Variants in UBE3B observed in about 807,000 individuals in gnomAD.
UBE3B encodes ubiquitin-protein ligase E3B.
In UBE3B, 80 loss-of-function variants were observed where a neutral mutation model predicts 132.3. The ratio of observed to expected loss-of-function variants is 0.60; its 90% confidence interval spans 0.50 to 0.73. The LOEUF (loss-of-function observed/expected upper bound fraction) is 0.73. Among genes scored for constraint, UBE3B ranks in the 30% least tolerant of loss-of-function variants. The pLI is 0.00. For synonymous variants in UBE3B, 487 were observed against 520.4 expected, an observed-to-expected ratio of 0.94 and a Z score of 0.87; for missense variants, 1,196 against 1,362.5, an observed-to-expected ratio of 0.88 and a Z score of 1.92.
chr12:109,481,416 A>G (rs1875411733), intron 1 of UBE3B, among the ~76,000 whole-genome samples: 1 of 152,214 alleles, frequency 6.6e-6, no homozygotes, highest in African/African-American at 2.4e-5. Context: ...TAATTCAACA[A>G]CAACTTTGGG....
chr12:109,533,616 T>C (rs766286662), intron 27 of UBE3B, 58 bp downstream of exon 27: 3 of 1,459,164 alleles, frequency 2.1e-6, no homozygotes, highest in Non-Finnish European at 2.9e-6. Flanking sequence ...GGTTGTCTGC[T>C]GTGCCCACTG....
intron 16 of UBE3B, 23 bp from the exon 17 acceptor site, chr12:109,510,321 T>A: frequency 1.3e-6 from 2 of 1,574,886 alleles, no homozygotes; most frequent in Admixed American, 1.8e-5. Context: ...CTCCTCTGAC[T>A]TTCCTGTTTG....
chr12:109,509,557 T>TG, intron 15 of UBE3B, 39 bp from the exon 16 acceptor site: 1 of 1,433,262 alleles, frequency 7.0e-7, no homozygotes, highest in African/African-American at 1.4e-5. Flanking sequence ...TTCGCCTTTT[T>TG]TCAGTGTGGA....
intron 9 of UBE3B, among the ~76,000 whole-genome samples, chr12:109,496,279 A>C (rs1006890005): frequency 1.6e-4 from 25 of 152,234 alleles, no homozygotes; most frequent in African/African-American, 5.5e-4. Flanking sequence ...ATATTCCATT[A>C]TATGGATATA....
chr12:109,493,697 A>G (rs1230402396), intron 9 of UBE3B, among the ~76,000 whole-genome samples: 1 of 152,250 alleles, frequency 6.6e-6, no homozygotes, highest in Non-Finnish European at 1.5e-5. Flanking sequence ...AGTCTATAAA[A>G]TCGTCAGTGG....
chr12:109,499,236 A>G (rs1259100344), intron 11 of UBE3B, among the ~76,000 whole-genome samples: 1 of 152,224 alleles, frequency 6.6e-6, no homozygotes, highest in African/African-American at 2.4e-5. Context: ...ACCATTTCTT[A>G]TGTTAACCCT....
intron 18 of UBE3B, 142 bp from the exon 19 acceptor site, chr12:109,516,623 C>A: frequency 7.5e-7 from 1 of 1,339,698 alleles, no homozygotes; most frequent in Admixed American, 2.1e-5. Context: ...TCACAGGACA[C>A]TTCTAACTGG....
At chr12:109,527,587 C>T (rs748859849) in intron 24 of UBE3B, among the ~76,000 whole-genome samples, 4 of 152,208 alleles carry the variant, frequency 2.6e-5, no homozygotes, top group East Asian at 1.9e-4. Context: ...CTGTCAGAAA[C>T]GTCAGGAGAA....
At chr12:109,525,771 G>C (rs111624771) in intron 23 of UBE3B, among the ~76,000 whole-genome samples, 1 of 152,104 alleles carries the variant, frequency 6.6e-6, no homozygotes, top group Non-Finnish European at 1.5e-5. Flanking sequence ...GCTCTAATAT[G>C]AGCAAAAGAT....
At chr12:109,512,460 G>A (rs955203549) in intron 18 of UBE3B, among the ~76,000 whole-genome samples, 1 of 152,134 alleles carries the variant, frequency 6.6e-6, no homozygotes, top group Non-Finnish European at 1.5e-5. Context: ...CATGGCTCAC[G>A]TCCCTGGTGA....
chr12:109,488,764 C>A, intron 7 of UBE3B, 96 bp downstream of exon 7: 1 of 1,182,488 alleles, frequency 8.5e-7, no homozygotes, highest in Non-Finnish European at 1.3e-6. Context: ...TTGCCACAAG[C>A]CTCAGGGAAG....
intron 13 of UBE3B, 140 bp downstream of exon 13, chr12:109,501,674 C>CA: frequency 9.4e-7 from 1 of 1,069,288 alleles, no homozygotes; most frequent in Non-Finnish European, 1.3e-6. Context: ...TTGTTAGAGA[C>CA]AGAGTCTCAC....
Position 109,534,714 on chromosome 12 carries a change from A to G in UBE3B, c.3139A>G (p.Lys1047Glu). ...CCTGCTCAAGCTGCCCAACTACAGC[A>G]AGAAGAGCGTCCTCCGCGAGAAGCT... ...FNLLKLPNYSKKSVLREKLRY... is the reference protein window; with the variant it reads ...FNLLKLPNYSEKSVLREKLRY... The change falls in exon 28 of 28, where the codon AAG becomes GAG. Residue 1047 changes from lysine (K) to glutamate (E), a missense_variant. Coordinates refer to ENST00000342494, the MANE Select transcript of UBE3B (RefSeq NM_130466.4). The surrounding 1 kb of genome is among the most constrained non-coding windows in gnomAD (Gnocchi z 5.2). The G allele has an allele frequency of 6.2e-7, 1 of 1,607,784 alleles. No homozygotes were observed. Among genetic ancestry groups the G allele is most frequent in the Non-Finnish European group, 8.5e-7 (1 of 1,177,116 alleles).
chr12:109,524,233 C>CAA, intron 22 of UBE3B, 118 bp downstream of exon 22: 1 of 1,434,594 alleles, frequency 7.0e-7, no homozygotes, highest in Non-Finnish European at 9.5e-7. Flanking sequence ...TGCTACAGGC[C>CAA]CCTCACATCC....
At chr12:109,486,772 G>T (rs1347804945) in intron 6 of UBE3B, among the ~76,000 whole-genome samples, 197 bp downstream of exon 6, 1 of 151,974 alleles carries the variant, frequency 6.6e-6, no homozygotes, top group Non-Finnish European at 1.5e-5. Flanking sequence ...CCCTTAAACT[G>T]CTTGCCACGC....
At position 109,483,860 on chromosome 12, in the gene UBE3B, GGAGA is replaced by G; in HGVS notation, c.166_169del (p.Glu56LeufsTer48). 6.2e-7 allele frequency: 1 copy of G among 1,609,402 alleles called. No homozygotes were observed. ...GTCTTTTTTTGCACTTTCTTTTCTAGGAGAGAGATTGATGACTTTTTTAAAGCAG... is the reference window on the plus strand; with the variant it reads ...GTCTTTTTTTGCACTTTCTTTTCTAGGAGATTGATGACTTTTTTAAAGCAG... On this transcript the variant is annotated frameshift_variant and splice_region_variant, in exon 4 of 28. Transcript: ENST00000342494. LOFTEE classifies it high-confidence loss of function.
In UBE3B at chr12:109,486,071, G is replaced by A. The variant is rs1251727535; in HGVS notation, c.342G>A (p.Lys114=). ...LSSMDAENEP[K]VWYVSLACSK... ...GCATGGATGCTGAGAATGAGCCTAAGGTAAGTGGACGGGAGCCGCAGTGTC... is the reference window on the plus strand; with the variant it reads ...GCATGGATGCTGAGAATGAGCCTAAAGTAAGTGGACGGGAGCCGCAGTGTC... Residue 114 remains lysine, a splice_region_variant and synonymous_variant, in exon 5 of 28, where the codon AAG becomes AAA. Coordinates refer to ENST00000342494, the MANE Select transcript of UBE3B (RefSeq NM_130466.4). The A allele has an allele frequency of 3.9e-6, 6 of 1,557,412 alleles. No homozygotes were observed. Among genetic ancestry groups the A allele is most frequent in the African/African-American group, 1.4e-5 (1 of 73,362 alleles).
intron 25 of UBE3B, among the ~76,000 whole-genome samples, 170 bp downstream of exon 25, chr12:109,530,242 C>T (rs899055916): frequency 6.6e-6 from 1 of 152,160 alleles, no homozygotes. Flanking sequence ...ACTTGTCTGC[C>T]TAGAGATTAA....
At chr12:109,545,047 A>G in the UBE3B span, among the ~76,000 whole-genome samples, 2 of 140,022 alleles carry the variant, frequency 1.4e-5, no homozygotes, top group Non-Finnish European at 3.2e-5. Flanking sequence ...GCCTTTGACC[A>G]GGAAGGTGAC....
Sources: allele counts gnomAD v4.1 joint callset (sites outside exome capture counted in the v4.1 genomes callset), GRCh38; gene constraint gnomAD v4.1.1; non-coding constraint Gnocchi (gnomAD v3.1); transcripts MANE v1.5; gene names NCBI Gene and HGNC (gene_info 2026-07-23, HGNC 2026-07-21).